MBNL1: variants seen among roughly 807,000 people sequenced by gnomAD.
The protein encoded by MBNL1 is muscleblind-like protein 1.
Under a neutral mutation model 42.2 loss-of-function variants are expected in MBNL1, and 8 were observed. That is an observed-to-expected ratio of 0.19 (90% CI 0.11 to 0.34). MBNL1 has a LOEUF of 0.34. MBNL1 is among the 10% of genes least tolerant of loss of function. The pLI is 1.00. For missense variants in MBNL1, 309 were observed against 495.3 expected (o/e 0.62, Z 3.57); for synonymous variants, 169 against 173.9 (o/e 0.97, Z 0.22).
rs1182414005 is a variant in MBNL1, at chr3:152,445,389, T to C, written c.657T>C (p.Thr219=). 1.9e-6 allele frequency: 3 copies of C among 1,614,140 alleles called. No individual in the cohort carries two copies. In the South Asian group the frequency reaches 3.3e-5, roughly 18 times the overall value. Residue 219 remains threonine (T), a synonymous_variant, in exon 5 of 10, where the codon ACT becomes ACC. Coordinates refer to ENST00000324210, the MANE Select transcript of MBNL1 (RefSeq NM_021038.5). ...TMIDTNDNTV[T]VCMDYIKGRC... Reference sequence around the variant, plus strand: ...TTGACACCAATGACAACACAGTCACTGTGTGTATGGATTACATCAAAGGGA... The same window carrying C: ...TTGACACCAATGACAACACAGTCACCGTGTGTATGGATTACATCAAAGGGA...
chr3:152,354,692 T>C (rs1204698576), intron 2 of MBNL1, among the ~76,000 whole-genome samples: 1 of 151,258 alleles, frequency 6.6e-6, no homozygotes, highest in Non-Finnish European at 1.5e-5. Flanking sequence ...TAGAATAAAA[T>C]AGGGCACATA....
At chr3:152,347,745 A>T (rs910734438) in intron 2 of MBNL1, among the ~76,000 whole-genome samples, 2 of 152,016 alleles carry the variant, frequency 1.3e-5, no homozygotes, top group African/African-American at 2.4e-5. Flanking sequence ...CGCCATCTTG[A>T]CTCCTTGGTT....
chr3:152,447,695 T>G lies in MBNL1; in HGVS notation c.883T>G (p.Phe295Val), dbSNP rs371624831. Reference sequence around the variant, plus strand: ...AAAAACCAACGGTGCCACCGCAGTCTTTAACACTGGTATTTTCCAATACCA... The same window carrying G: ...AAAAACCAACGGTGCCACCGCAGTCGTTAACACTGGTATTTTCCAATACCA... Reference protein sequence around the residue: ...LEKTNGATAVFNTGIFQYQQA... With the variant: ...LEKTNGATAVVNTGIFQYQQA... The change falls in exon 6 of 10, where the codon TTT becomes GTT. Residue 295 changes from phenylalanine to valine, a missense_variant. Physicochemically the swap from Phe to Val is conservative, Grantham distance 50 (BLOSUM62 -1). Transcript: ENST00000324210. The G allele has an allele frequency of 5.0e-6, 8 of 1,613,608 alleles. No homozygotes were observed. Among genetic ancestry groups the G allele is most frequent in the Non-Finnish European group, 6.8e-6 (8 of 1,179,692 alleles).
chr3:152,402,996 T>C lies in MBNL1; in HGVS notation c.175-11945T>C, dbSNP rs887714613. 5.3e-5 allele frequency among the ~76,000 whole-genome samples: 8 copies of C among 152,306 alleles called. No individual in the cohort carries two copies. The East Asian group carries it at 5.8e-4, about 11-fold the overall frequency. On this transcript the variant is annotated intron_variant, in intron 2 of 9. Coordinates refer to ENST00000324210, the MANE Select transcript of MBNL1 (RefSeq NM_021038.5). ...AAAATACAAAGGAAGATACAACAAC[T>C]ATTTCTAATAAAAGCCACCTGTTTT...
intron 2 of MBNL1, among the ~76,000 whole-genome samples, chr3:152,332,384 A>G (rs954788407): frequency 6.6e-6 from 1 of 152,230 alleles, no homozygotes; most frequent in African/African-American, 2.4e-5. Flanking sequence ...CAAAGAGTAA[A>G]TCAAGCTTAT....
chr3:152,332,713 TG>T (rs1445305501), intron 2 of MBNL1, among the ~76,000 whole-genome samples: 17 of 124,600 alleles, frequency 1.4e-4, no homozygotes, highest in East Asian at 6.3e-4. Flanking sequence ...TGTGTGTGTG[TG>T]TGTGTGTGTG....
At chr3:152,293,131 G>A (rs771797991) in intron 1 of MBNL1, among the ~76,000 whole-genome samples, 4 of 151,968 alleles carry the variant, frequency 2.6e-5, no homozygotes, top group Non-Finnish European at 4.4e-5. Flanking sequence ...ATCACAGACC[G>A]GACACACTAG....
chr3:152,445,538 T>G lies in MBNL1; in HGVS notation c.806T>G (p.Met269Arg). ...CAGGCTGCAGCCACCGCAGCTGCCA[T>G]GGTGAGTAGAGATATCAGCTCTCTC... ...AAQAAATAAA[M>R]GIPQAVLPPL... The change falls in exon 5 of 10, where the codon ATG becomes AGG. Residue 269 changes from methionine (M) to arginine (R), a missense_variant and splice_region_variant. Physicochemically the swap from Met to Arg is moderately conservative, Grantham distance 91. Coordinates refer to ENST00000324210, the MANE Select transcript of MBNL1 (RefSeq NM_021038.5). 6.2e-7 allele frequency: 1 copy of G among 1,611,494 alleles called. No homozygotes were observed. Among genetic ancestry groups the G allele is most frequent in the Non-Finnish European group, 8.5e-7 (1 of 1,178,712 alleles).
chr3:152,339,398 G>A (rs1373816840), intron 2 of MBNL1, among the ~76,000 whole-genome samples: 2 of 152,080 alleles, frequency 1.3e-5, no homozygotes, highest in Admixed American at 6.6e-5. Context: ...GAGATCAGCA[G>A]CATCTTAAGT....
At chr3:152,333,915 A>G (rs1455580203) in intron 2 of MBNL1, among the ~76,000 whole-genome samples, 5 of 152,238 alleles carry the variant, frequency 3.3e-5, no homozygotes, top group Non-Finnish European at 7.3e-5. Context: ...CTTCATTCAA[A>G]TCACTGTGAC....
chr3:152,319,779 T>C lies in MBNL1; in HGVS notation c.174+19412T>C, dbSNP rs73009912. On this transcript the variant is annotated intron_variant, in intron 2 of 9. Transcript: ENST00000324210. ...CAACATTTAAATTCTATATGGCCAA[T>C]TGATTCTTACAGAATGCCTTTTTGA... Among the ~76,000 whole-genome samples, 770 of 152,166 alleles carry C rather than the reference T, an allele frequency of 5.1e-3. 7 individuals carry two copies. Among genetic ancestry groups the C allele is most frequent in the African/African-American group, 0.018 (737 of 41,524 alleles).
At chr3:152,317,283 T>C (rs1348675291) in intron 2 of MBNL1, among the ~76,000 whole-genome samples, 1 of 152,208 alleles carries the variant, frequency 6.6e-6, no homozygotes, top group Non-Finnish European at 1.5e-5. Context: ...ACTTTGTGAC[T>C]ATTTTAGTTG....
At chr3:152,293,025 C>G (rs2056861461) in intron 1 of MBNL1, among the ~76,000 whole-genome samples, 1 of 152,124 alleles carries the variant, frequency 6.6e-6, no homozygotes, top group African/African-American at 2.4e-5. Context: ...ACTTCAGCCT[C>G]CCAAAGTGTT....
At chr3:152,353,694 TATA>T (rs1237801838) in intron 2 of MBNL1, among the ~76,000 whole-genome samples, 1 of 144,966 alleles carries the variant, frequency 6.9e-6, no homozygotes, top group Non-Finnish European at 1.5e-5. Context: ...TTTTTTGGCT[TATA>T]GTCCATTTTG....
At chr3:152,420,606 A>G (rs1250521816) in intron 3 of MBNL1, among the ~76,000 whole-genome samples, 1 of 152,180 alleles carries the variant, frequency 6.6e-6, no homozygotes, top group Non-Finnish European at 1.5e-5. Flanking sequence ...CAAAAACCCT[A>G]TCGAAGGTCA....
intron 1 of MBNL1, among the ~76,000 whole-genome samples, chr3:152,290,393 A>G (rs1315070894): frequency 6.6e-6 from 1 of 151,980 alleles, no homozygotes; most frequent in African/African-American, 2.4e-5. Flanking sequence ...AAAATAGGTT[A>G]ATTATGGAGA....
At chr3:152,393,008 A>G (rs898353521) in intron 2 of MBNL1, among the ~76,000 whole-genome samples, 3 of 152,162 alleles carry the variant, frequency 2.0e-5, no homozygotes, top group African/African-American at 7.2e-5. Context: ...GAGTGCTGCT[A>G]TCTTATTGCT....
At chr3:152,344,031 G>C (rs1182644525) in intron 2 of MBNL1, among the ~76,000 whole-genome samples, 1 of 150,348 alleles carries the variant, frequency 6.7e-6, no homozygotes, top group Non-Finnish European at 1.5e-5. Flanking sequence ...GGATGATGGG[G>C]GAAGTAAGAG....
intron 1 of MBNL1, among the ~76,000 whole-genome samples, chr3:152,279,893 A>T (rs2047431132): frequency 6.6e-6 from 1 of 152,290 alleles, no homozygotes; most frequent in East Asian, 1.9e-4. Flanking sequence ...TTTACATGTG[A>T]TGTAGCCTGT....
Sources: gnomAD v4.1 joint callset for allele counts (sites outside exome capture counted in the v4.1 genomes callset) on GRCh38, gnomAD v4.1.1 for gene constraint, MANE v1.5 for transcripts, NCBI Gene and HGNC (gene_info 2026-07-23, HGNC 2026-07-21) for gene names.